Variants in CTNND2 observed in about 807,000 individuals in gnomAD.
The protein encoded by CTNND2 is catenin delta-2.
In CTNND2, 22 loss-of-function variants were observed where a neutral mutation model predicts 144.4. The observed-to-expected ratio is 0.15, with a 90% CI of 0.11 to 0.22. The LOEUF (loss-of-function observed/expected upper bound fraction) is 0.22. CTNND2 is among the 10% of genes least tolerant of loss of function. The probability of loss-of-function intolerance (pLI) is 1.00; values close to 1 mark genes in which losing one functional copy is unlikely to be tolerated. For missense variants in CTNND2, 1,353 were observed against 1,618.8 expected (o/e 0.84, Z 2.82); for synonymous variants, 751 against 695.6 (o/e 1.08, Z -1.25).
intron 9 of CTNND2, among the ~76,000 whole-genome samples, chr5:11,303,202 C>A (rs1208898519): frequency 6.6e-6 from 1 of 152,210 alleles, no homozygotes; most frequent in East Asian, 1.9e-4. Context: ...AAACTGAATT[C>A]TAGCTTGGTG....
chr5:11,804,848 C>A (rs1235013536), intron 1 of CTNND2, among the ~76,000 whole-genome samples: 1 of 152,076 alleles, frequency 6.6e-6, no homozygotes, highest in Non-Finnish European at 1.5e-5. Context: ...TTTTAAAAAA[C>A]ATTTAGGATA....
chr5:11,288,458 G>A (rs1747976098), intron 9 of CTNND2, among the ~76,000 whole-genome samples: 1 of 152,006 alleles, frequency 6.6e-6, no homozygotes, highest in Non-Finnish European at 1.5e-5. Context: ...TGTGTTGTGT[G>A]AGCGCTTGCA....
chr5:11,643,952 T>G (rs2126513978), intron 2 of CTNND2, among the ~76,000 whole-genome samples: 1 of 152,278 alleles, frequency 6.6e-6, no homozygotes, highest in African/African-American at 2.4e-5. Context: ...TGAAAATAAC[T>G]TTTTGAATAG....
intron 9 of CTNND2, among the ~76,000 whole-genome samples, chr5:11,264,138 C>CTAT (rs1282729634): frequency 6.6e-6 from 1 of 152,094 alleles, no homozygotes; most frequent in Non-Finnish European, 1.5e-5. Flanking sequence ...TTTGGTCTAT[C>CTAT]TAATATATAG....
At chr5:11,874,594 G>T (rs1735412995) in intron 1 of CTNND2, among the ~76,000 whole-genome samples, 1 of 152,170 alleles carries the variant, frequency 6.6e-6, no homozygotes, top group African/African-American at 2.4e-5. Context: ...GTTGCAGGGA[G>T]CAGAGACAGC....
In CTNND2 at chr5:11,669,511, A is replaced by T. The variant is rs182406675; in HGVS notation, c.174+62625T>A. Among the ~76,000 whole-genome samples the T allele has an allele frequency of 7.9e-5, 12 of 152,260 alleles. No homozygotes were observed. In the East Asian group the frequency reaches 1.2e-3, roughly 15 times the overall value. ...CTTTGGAGGGTATATGGGTCCAGGA[A>T]TTTATCCATTTCTTCTAGATTTTCT... On this transcript the variant is annotated intron_variant, in intron 2 of 21. Transcript: ENST00000304623.
chr5:11,576,876 G>A (rs920431679), intron 2 of CTNND2, among the ~76,000 whole-genome samples: 2 of 152,062 alleles, frequency 1.3e-5, no homozygotes, highest in African/African-American at 4.8e-5. Flanking sequence ...CAGTCTCTTC[G>A]GTGGCTGGAG....
At chr5:11,780,707 C>A (rs189675667) in intron 1 of CTNND2, among the ~76,000 whole-genome samples, 127 of 152,220 alleles carry the variant, frequency 8.3e-4, no homozygotes, top group African/African-American at 2.5e-3. Flanking sequence ...GAGGGAGATG[C>A]AAAGGGTAGG....
intron 1 of CTNND2, among the ~76,000 whole-genome samples, chr5:11,863,538 T>G (rs762399281): frequency 6.6e-6 from 1 of 152,224 alleles, no homozygotes; most frequent in Non-Finnish European, 1.5e-5. Context: ...TGCTTGGATA[T>G]GTGTTACATG....
chr5:11,302,205 A>G (rs777205078), intron 9 of CTNND2, among the ~76,000 whole-genome samples: 1 of 152,086 alleles, frequency 6.6e-6, no homozygotes, highest in Non-Finnish European at 1.5e-5. Context: ...TACTGAGAGG[A>G]AGGAAAGAAG....
At chr5:11,195,741 G>C (rs1028223427) in intron 11 of CTNND2, among the ~76,000 whole-genome samples, 2 of 152,166 alleles carry the variant, frequency 1.3e-5, no homozygotes, top group Non-Finnish European at 2.9e-5. Context: ...GAAATCTTTA[G>C]TTGGGCATAC....
At chr5:11,892,174 G>C (rs1411638775) in intron 1 of CTNND2, among the ~76,000 whole-genome samples, 12 of 152,056 alleles carry the variant, frequency 7.9e-5, no homozygotes, top group Admixed American at 3.3e-4. Context: ...GCTTGTCGAT[G>C]ATGGTGAACT....
chr5:11,401,206 A>C (rs1475431681), intron 5 of CTNND2, among the ~76,000 whole-genome samples: 1 of 152,176 alleles, frequency 6.6e-6, no homozygotes, highest in Non-Finnish European at 1.5e-5. Flanking sequence ...TATAACACAG[A>C]CACAATATGG....
At chr5:11,392,940 A>G (rs1167912964) in intron 6 of CTNND2, among the ~76,000 whole-genome samples, 1 of 152,148 alleles carries the variant, frequency 6.6e-6, no homozygotes, top group African/African-American at 2.4e-5. Context: ...CTTTTTATTC[A>G]ACACTCAAGA....
chr5:11,553,594 T>A (rs560360933), intron 3 of CTNND2, among the ~76,000 whole-genome samples: 9 of 152,148 alleles, frequency 5.9e-5, no homozygotes, highest in Non-Finnish European at 1.3e-4. Flanking sequence ...TATGACTATA[T>A]TTCAAGGCAA....
intron 3 of CTNND2, among the ~76,000 whole-genome samples, chr5:11,560,159 C>G (rs1019775065): frequency 6.6e-6 from 1 of 152,196 alleles, no homozygotes; most frequent in Non-Finnish European, 1.5e-5. Context: ...TCAAAGAGTA[C>G]TAGCCCTCAG....
At chr5:11,518,785 A>T (rs1001531514) in intron 3 of CTNND2, among the ~76,000 whole-genome samples, 5 of 152,196 alleles carry the variant, frequency 3.3e-5, no homozygotes, top group African/African-American at 1.2e-4. Flanking sequence ...ACTATACCAT[A>T]TAACCTGGTG....
chr5:10,978,114 C>T (rs1469833709), intron 21 of CTNND2, among the ~76,000 whole-genome samples: 4 of 152,188 alleles, frequency 2.6e-5, no homozygotes, highest in South Asian at 4.1e-4. Context: ...GGACAAGCTT[C>T]GATGCTGAAA....
At chr5:11,614,994 T>A (rs955450428) in intron 2 of CTNND2, among the ~76,000 whole-genome samples, 6 of 152,188 alleles carry the variant, frequency 3.9e-5, no homozygotes, top group Non-Finnish European at 7.4e-5. Flanking sequence ...CATTTAAACA[T>A]CATTTAGTAG....
Sources: allele counts gnomAD v4.1 joint callset (sites outside exome capture counted in the v4.1 genomes callset), GRCh38; gene constraint gnomAD v4.1.1; transcripts MANE v1.5; gene names NCBI Gene and HGNC (gene_info 2026-07-23, HGNC 2026-07-21).